TTC28: variants seen among roughly 807,000 people sequenced by gnomAD.
TTC28 encodes tetratricopeptide repeat protein 28.
A neutral mutation model predicts 198.0 loss-of-function variants in TTC28; 61 were observed. The observed-to-expected ratio is 0.31, with a 90% CI of 0.25 to 0.38. The LOEUF is 0.38. TTC28 is among the 10% of genes least tolerant of loss of function. TTC28 has a pLI of 1.00. For missense variants in TTC28, 2,678 were observed against 3,164.0 expected, an observed-to-expected ratio of 0.85 and a Z score of 3.69; for synonymous variants, 1,171 against 1,297.8, an observed-to-expected ratio of 0.90 and a Z score of 2.10.
intron 12 of TTC28, among the ~76,000 whole-genome samples, chr22:28,063,077 T>G (rs539208605): frequency 6.6e-6 from 1 of 152,282 alleles, no homozygotes; most frequent in East Asian, 1.9e-4. Context: ...AATGGAAAAC[T>G]CAGTTTCTTG....
intron 2 of TTC28, among the ~76,000 whole-genome samples, chr22:28,347,521 G>A (rs1007196311): frequency 3.9e-5 from 6 of 152,116 alleles, no homozygotes; most frequent in East Asian, 1.9e-4. Flanking sequence ...TGAGATCACC[G>A]CGTTTACACC....
At chr22:28,263,477 C>G (rs1166755661) in intron 5 of TTC28, among the ~76,000 whole-genome samples, 1 of 152,082 alleles carries the variant, frequency 6.6e-6, no homozygotes, top group Non-Finnish European at 1.5e-5. Flanking sequence ...TACATTATTG[C>G]TTTCTTTAAT....
intron 6 of TTC28, among the ~76,000 whole-genome samples, chr22:28,132,234 T>C (rs1258248292): frequency 6.6e-6 from 1 of 152,254 alleles, no homozygotes; most frequent in African/African-American, 2.4e-5. Context: ...GAGGCCATTA[T>C]GCATTATCAG....
chr22:28,643,729 T>C (rs978483118), intron 1 of TTC28, among the ~76,000 whole-genome samples: 3 of 152,236 alleles, frequency 2.0e-5, no homozygotes, highest in Admixed American at 1.3e-4. Flanking sequence ...AGGTTTTCCT[T>C]AGAGACTTTA....
chr22:28,629,665 G>A lies in TTC28; in HGVS notation c.268C>T (p.Gln90Ter). 6.4e-7 allele frequency: 1 copy of A among 1,551,654 alleles called. No individual in the cohort carries two copies. Among genetic ancestry groups the A allele is most frequent in the Non-Finnish European group, 8.7e-7 (1 of 1,146,984 alleles). ...LYNEALAVDP[Q>*]NCILYSNRSA... ...CTATTGCTGTATAAGATGCAGTTCT[G>A]AGGGTCAACAGCCAGGGCTTCATTA... Residue 90 changes from glutamine to a stop codon, truncating the protein, a stop_gained, in exon 2 of 23, where the codon CAG becomes TAG. Coordinates refer to ENST00000397906, the MANE Select transcript of TTC28 (RefSeq NM_001145418.2). LOFTEE classifies it high-confidence loss of function.
intron 12 of TTC28, among the ~76,000 whole-genome samples, chr22:28,042,692 C>T (rs766532820): frequency 4.0e-5 from 6 of 150,788 alleles, no homozygotes; most frequent in African/African-American, 7.3e-5. Flanking sequence ...CAAACCTGCA[C>T]GTTGTGCACA....
rs569483072 is a variant in TTC28, at chr22:28,152,591, G to A, written c.1441+10501C>T. Among the ~76,000 whole-genome samples, 213 of 152,270 alleles carry A rather than the reference G, an allele frequency of 1.4e-3. 1 individual carries two copies. Among genetic ancestry groups the A allele is most frequent in the African/African-American group, 3.8e-3 (158 of 41,552 alleles). On this transcript the variant is annotated intron_variant, in intron 6 of 22. Transcript: ENST00000397906. ...ATGGTTTACCTCCTAGGGCTACTGC[G>A]AGAACAAATAAGTACTATAAAACAC...
intron 5 of TTC28, among the ~76,000 whole-genome samples, chr22:28,184,288 A>T: frequency 1.3e-5 from 2 of 152,314 alleles, no homozygotes; most frequent in Middle Eastern, 3.4e-3. Flanking sequence ...TCATATATTT[A>T]TATTAATCTG....
chr22:28,576,726 T>C (rs1313396622), intron 2 of TTC28, among the ~76,000 whole-genome samples: 1 of 152,102 alleles, frequency 6.6e-6, no homozygotes, highest in Non-Finnish European at 1.5e-5. Context: ...GCTATATGTG[T>C]CTAGGAATTT....
chr22:28,609,733 C>T (rs575541206), intron 2 of TTC28, among the ~76,000 whole-genome samples: 1 of 152,054 alleles, frequency 6.6e-6, no homozygotes, highest in African/African-American at 2.4e-5. Context: ...GCCAGTGAGA[C>T]AGAACCATTC....
chr22:28,157,741 A>C (rs533585001), intron 6 of TTC28, among the ~76,000 whole-genome samples: 1 of 152,304 alleles, frequency 6.6e-6, no homozygotes, highest in South Asian at 2.1e-4. Context: ...GCTCAAAAAA[A>C]CGGGATATAG....
At chr22:28,607,851 T>C (rs984264600) in intron 2 of TTC28, among the ~76,000 whole-genome samples, 1 of 152,206 alleles carries the variant, frequency 6.6e-6, no homozygotes, top group African/African-American at 2.4e-5. Context: ...CTACCACCAC[T>C]ACTCTAGTCC....
intron 2 of TTC28, among the ~76,000 whole-genome samples, chr22:28,474,683 T>A (rs1322557783): frequency 2.6e-5 from 4 of 152,144 alleles, no homozygotes; most frequent in African/African-American, 9.7e-5. Context: ...CTCAAAAGGA[T>A]TCTATTAGGC....
intron 2 of TTC28, among the ~76,000 whole-genome samples, chr22:28,470,704 T>C (rs1476086604): frequency 1.3e-5 from 2 of 152,114 alleles, no homozygotes; most frequent in Admixed American, 1.3e-4. Flanking sequence ...CCCTAAAGAA[T>C]TGGAGTCCAA....
At chr22:28,605,944 T>G (rs1269219821) in intron 2 of TTC28, among the ~76,000 whole-genome samples, 1 of 152,174 alleles carries the variant, frequency 6.6e-6, no homozygotes, top group African/African-American at 2.4e-5. Context: ...CTAAAATAGA[T>G]TGTTAATGTT....
chr22:28,377,362 G>A (rs2046428532), intron 2 of TTC28, among the ~76,000 whole-genome samples: 1 of 149,308 alleles, frequency 6.7e-6, no homozygotes, highest in South Asian at 2.1e-4. Context: ...ACAGGCATGA[G>A]CCACTGCTTC....
chr22:28,236,407 G>A (rs1929252814), intron 5 of TTC28, among the ~76,000 whole-genome samples: 1 of 152,144 alleles, frequency 6.6e-6, no homozygotes, highest in African/African-American at 2.4e-5. Context: ...GAGTTCCAAG[G>A]TAAAGAATGA....
intron 5 of TTC28, among the ~76,000 whole-genome samples, chr22:28,191,673 C>G (rs1924774270): frequency 6.6e-6 from 1 of 152,218 alleles, no homozygotes; most frequent in African/African-American, 2.4e-5. Flanking sequence ...GTCCTATGCC[C>G]ACGGAGCCTT....
chr22:28,094,681 T>C (rs1376840923), intron 11 of TTC28, among the ~76,000 whole-genome samples: 2 of 152,204 alleles, frequency 1.3e-5, no homozygotes, highest in South Asian at 4.1e-4. Context: ...AGAGCTTTCA[T>C]TTCACAAAAG....
Sources: allele counts gnomAD v4.1 joint callset (sites outside exome capture counted in the v4.1 genomes callset), GRCh38; gene constraint gnomAD v4.1.1; transcripts MANE v1.5; gene names NCBI Gene and HGNC (gene_info 2026-07-23, HGNC 2026-07-21).